The following ADAMTS1 variants were observed in gnomAD, a reference collection of about 807,000 sequenced individuals.
The protein encoded by ADAMTS1 is ADAM metallopeptidase with thrombospondin type 1 motif 1.
ADAMTS1 carries 19 observed loss-of-function variants against 87.9 expected under a neutral mutation model. The ratio of observed to expected loss-of-function variants is 0.22; its 90% CI spans 0.15 to 0.32. The LOEUF (loss-of-function observed/expected upper bound fraction) is 0.32. Ranked by LOEUF, ADAMTS1 falls within the 10% of genes least tolerant of loss-of-function variation. The probability of loss-of-function intolerance (pLI) is 1.00; values close to 1 mark genes in which losing one functional copy is unlikely to be tolerated. For synonymous variants in ADAMTS1, 542 were observed against 501.8 expected (o/e 1.08, Z -1.07); for missense variants, 1,240 against 1,259.1 (o/e 0.98, Z 0.23).
At position 26,840,385 on chromosome 21, in the gene ADAMTS1, A is replaced by G; in HGVS notation, c.1556T>C (p.Leu519Pro). ...LWCTGTSGGVLVCQTKHFPWA... is the reference protein window; with the variant it reads ...LWCTGTSGGVPVCQTKHFPWA... ...CGGGAAGTGTTTGGTTTGACACACC[A>G]GCACCCCACCAGAGGTGCCGGTACA... is the stretch of plus-strand genomic sequence containing the variant. Residue 519 changes from leucine (L) to proline (P), a missense_variant, in exon 5 of 9, where the codon CTG (leucine) becomes CCG (proline). Around this residue, in one of 3 missense-constraint regions of ADAMTS1, gnomAD observed 317 missense variants for 410.3 expected, o/e 0.77. Coordinates refer to ENST00000284984, the MANE Select transcript of ADAMTS1 (RefSeq NM_006988.5). 1 of 1,614,224 alleles carries G rather than the reference A, an allele frequency of 6.2e-7. No homozygotes were observed. The highest frequency in any genetic ancestry group is 1.1e-5 in the South Asian group (1 of 91,086).
chr21:26,839,021 C>T (rs562799501), intron 7 of ADAMTS1: 18 of 167,184 alleles, frequency 1.1e-4, no homozygotes, highest in Non-Finnish European at 2.2e-4. Flanking sequence ...TAATGACACA[C>T]GATCATCTCA....
intron 7 of ADAMTS1, chr21:26,839,332 A>C (rs745715590): frequency 2.4e-5 from 8 of 339,750 alleles, no homozygotes; most frequent in Non-Finnish European, 3.7e-5. Context: ...CTGTCCAAAA[A>C]GCTTTTCTTT....
rs1285282899 is a variant in ADAMTS1 at position 26,844,551 on chromosome 21, G to A, written c.404C>T (p.Ser135Leu). ...CTCGCAGAGGCTGAGGGCGGCAGCC[G>A]AGCTGGGATCGCCATTCACGGTGCC... ...YSGTVNGDPS[S>L]AAALSLCEGV... The change falls in exon 1 of 9, where the codon TCG (serine) becomes TTG (leucine). Residue 135 changes from serine (S) to leucine (L), a missense_variant. This residue lies in a region of ADAMTS1 where 521 missense variants were observed against 449.7 expected (regional missense o/e 1.16). Coordinates refer to ENST00000284984, the MANE Select transcript of ADAMTS1 (RefSeq NM_006988.5). 1.2e-6 allele frequency: 2 copies of A among 1,609,110 alleles called. No individual in the cohort carries two copies. Among genetic ancestry groups the A allele is most frequent in the African/African-American group, 1.3e-5 (1 of 74,882 alleles).
rs757254787 is a variant in ADAMTS1 at position 26,845,069 on chromosome 21, A to G, written c.-115T>C. ...TGGATTGTTAAAATTAACAATTTCT[A>G]TTATTCGTTGGAAGGGCGCGCAGAG... On this transcript the variant is annotated 5_prime_UTR_variant, in exon 1 of 9. Coordinates refer to ENST00000284984, the MANE Select transcript of ADAMTS1 (RefSeq NM_006988.5). 138 of 1,284,768 alleles carry G rather than the reference A, an allele frequency of 1.1e-4. No individual in the cohort carries two copies. The Middle Eastern group carries it at 2.0e-3, about 19-fold the overall frequency. The allele number at this position is 1,284,768 out of a possible 1,614,324, so 79.6% of individuals were successfully genotyped here.
intron 8 of ADAMTS1, 69 bp from the exon 9 acceptor site, chr21:26,838,347 CATT>C: frequency 1.3e-6 from 2 of 1,574,322 alleles, no homozygotes; most frequent in Non-Finnish European, 1.7e-6. Flanking sequence ...CTTAAAAACA[CATT>C]AATCTTTTAT....
chr21:26,841,767 A>G, intron 3 of ADAMTS1, 91 bp downstream of exon 3: 1 of 1,416,108 alleles, frequency 7.1e-7, no homozygotes, highest in Non-Finnish European at 9.5e-7. Context: ...GACCTAAAAT[A>G]GCAATATAAC....
chr21:26,844,115 G>C, intron 1 of ADAMTS1, 110 bp downstream of exon 1: 1 of 1,370,792 alleles, frequency 7.3e-7, no homozygotes, highest in Non-Finnish European at 9.7e-7. Context: ...CGTTCTGTCC[G>C]CGGACTTATG....
In ADAMTS1 at chr21:26,844,250, T is replaced by C; in HGVS notation, c.705A>G (p.Ala235=). ...EGAQWSPQDP[A]LQGVGQPTGT... is the part of the protein sequence containing the mutation. ...CTGTGGGCTGTCCTACGCCTTGCAG[T>C]GCCGGGTCCTGCGGCGACCACTGAG... The change falls in exon 1 of 9, where the codon GCA becomes GCG. Residue 235 remains alanine (A), a synonymous_variant. Transcript: ENST00000284984. 6.3e-7 allele frequency: 1 copy of C among 1,575,042 alleles called. No individual in the cohort carries two copies. The highest frequency in any genetic ancestry group is 1.9e-5 in the Admixed American group (1 of 53,706).
Position 26,845,143 on chromosome 21 carries a change from T to A in ADAMTS1, c.-189A>T. On this transcript the variant is annotated 5_prime_UTR_variant, in exon 1 of 9. Coordinates refer to ENST00000284984, the MANE Select transcript of ADAMTS1 (RefSeq NM_006988.5). ...AGTCACTAAAAGGAGGCGCTGCAGT[T>A]CTGCCGGCGCGCGGGAAGTTTTTCT... 1.3e-6 allele frequency: 1 copy of A among 744,366 alleles called. No individual in the cohort carries two copies. Among genetic ancestry groups the A allele is most frequent in the Non-Finnish European group, 1.9e-6 (1 of 538,480 alleles). The allele number at this position is 744,366 out of a possible 1,614,324, so 46.1% of individuals were successfully genotyped here.
Position 26,845,020 on chromosome 21 carries a change from G to A in ADAMTS1, c.-66C>T. 2 of 1,465,592 alleles carry A rather than the reference G, an allele frequency of 1.4e-6. No individual in the cohort carries two copies. Among genetic ancestry groups the A allele is most frequent in the South Asian group, 3.0e-5 (2 of 66,798 alleles). The allele number at this position is 1,465,592 out of a possible 1,614,324, so 90.8% of individuals were successfully genotyped here. On this transcript the variant is annotated 5_prime_UTR_variant, in exon 1 of 9. Transcript: ENST00000284984. Reference sequence around the variant, plus strand: ...GAGGGACCTTTAGTTCGGGTCGGGAGAGCAAAGCCTCGTTGGCCTGCTCTG... The same window carrying A: ...GAGGGACCTTTAGTTCGGGTCGGGAAAGCAAAGCCTCGTTGGCCTGCTCTG...
At position 26,842,497 on chromosome 21, in the gene ADAMTS1, C is replaced by T; in HGVS notation, c.919G>A (p.Val307Met). The T allele has an allele frequency of 6.2e-7, 1 of 1,614,168 alleles. No homozygotes were observed. Among genetic ancestry groups the T allele is most frequent in the Non-Finnish European group, 8.5e-7 (1 of 1,180,040 alleles). The change falls in exon 2 of 9, where the codon GTG (valine) becomes ATG (methionine). Residue 307 changes from valine to methionine, a missense_variant. Val to Met is a conservative substitution (Grantham distance 21). Around this residue, in one of 3 missense-constraint regions of ADAMTS1, gnomAD observed 521 missense variants for 449.7 expected, o/e 1.16. Transcript: ENST00000284984. ...SIRNSVSLVV[V>M]KILVIHDEQK... Reference sequence around the variant, plus strand: ...TCATCGTGGATGACCAAGATCTTCACCACCACCAGGCTAACTGAATTACGA... The same window carrying T: ...TCATCGTGGATGACCAAGATCTTCATCACCACCAGGCTAACTGAATTACGA...
Position 26,838,009 on chromosome 21 carries a change from A to G in ADAMTS1, c.2474T>C (p.Val825Ala), listed in dbSNP as rs1985408153. ...SPLKEPLTIQ[V>A]LTVGNALRPK... ...TCGAAGGGCATTGCCCACAGTAAGA[A>G]CCTGGATGGTCAAGGGCTCTTTGAG... Residue 825 changes from valine to alanine, a missense_variant, in exon 9 of 9, where the codon GTT becomes GCT. Transcript: ENST00000284984. 6.2e-7 allele frequency: 1 copy of G among 1,614,064 alleles called. No individual in the cohort carries two copies. Among genetic ancestry groups the G allele is most frequent in the African/African-American group, 1.3e-5 (1 of 74,922 alleles).
chr21:26,838,626 A>G lies in ADAMTS1; in HGVS notation c.2029-12T>C, dbSNP rs1455571697. 6.2e-7 allele frequency: 1 copy of G among 1,612,202 alleles called. No homozygotes were observed. The stretch of plus-strand genomic sequence containing the variant: ...GTACCATCTACAACCTGAAAAAAGG[A>G]CACATGTCTAGTGTTACATACAAGC... On this transcript the variant is annotated splice_polypyrimidine_tract_variant and intron_variant, in intron 7 of 8. Transcript: ENST00000284984.
Position 26,845,225 on chromosome 21 carries a change from G to T in ADAMTS1, c.-271C>A. On this transcript the variant is annotated 5_prime_UTR_variant, in exon 1 of 9. Coordinates refer to ENST00000284984, the MANE Select transcript of ADAMTS1 (RefSeq NM_006988.5). ...GGCGCAGGCAGAGTGGCTCTGCTGG[G>T]ACAAGAAGCGCTCTGGGGCGCCTCC... 2.6e-6 allele frequency: 1 copy of T among 378,440 alleles called. No homozygotes were observed. The highest frequency in any genetic ancestry group is 4.6e-6 in the Non-Finnish European group (1 of 216,056). 23.4% of individuals were successfully genotyped at this position (378,440 alleles called of 1,614,324 possible). A position where few individuals can be genotyped will look rare whatever the true frequency, so the allele number is the denominator to read the frequency against.
Position 26,844,916 on chromosome 21 carries a change from C to G in ADAMTS1, c.39G>C (p.Lys13Asn). The part of the protein sequence containing the change: ...RAVPEGFGRR[K>N]LGSDMGNAER... ...CCGCGTTCCCCATGTCGCTGCCCAG[C>G]TTGCGCCTTCCGAACCCCTCGGGCA... Residue 13 changes from lysine (K) to asparagine (N), a missense_variant, in exon 1 of 9, where the codon AAG (lysine) becomes AAC (asparagine). Physicochemically the swap from Lys to Asn is moderately conservative, Grantham distance 94. Around this residue, in one of 3 missense-constraint regions of ADAMTS1, gnomAD observed 521 missense variants for 449.7 expected, o/e 1.16. Transcript: ENST00000284984. 6.6e-7 allele frequency: 1 copy of G among 1,517,912 alleles called. No individual in the cohort carries two copies. Among genetic ancestry groups the G allele is most frequent in the Non-Finnish European group, 8.8e-7 (1 of 1,134,386 alleles). 94.0% of individuals were successfully genotyped at this position (1,517,912 alleles called of 1,614,324 possible).
In ADAMTS1 at chr21:26,844,793, G is replaced by T; in HGVS notation, c.162C>A (p.Ser54=). Residue 54 remains serine, a synonymous_variant, in exon 1 of 9, where the codon TCC becomes TCA. Coordinates refer to ENST00000284984, the MANE Select transcript of ADAMTS1 (RefSeq NM_006988.5). ...GCACCACTAGCTCCTCGTCCTCCTC[G>T]GAGGGGCGCCCGAGTGCGTCCGACA... The part of the protein sequence containing the change: ...LAVSDALGRP[S]EEDEELVVPE... 5 of 1,546,092 alleles carry T rather than the reference G, an allele frequency of 3.2e-6. No homozygotes were observed. Among genetic ancestry groups the T allele is most frequent in the South Asian group, 2.4e-5 (2 of 84,828 alleles).
rs1318305260 is a variant in ADAMTS1, at chr21:26,836,567, A to G, written c.*1012T>C. 4 of 152,790 alleles carry G rather than the reference A, an allele frequency of 2.6e-5. No individual in the cohort carries two copies. In the East Asian group the frequency reaches 5.8e-4, roughly 22 times the overall value. 9.5% of individuals were successfully genotyped at this position (152,790 alleles called of 1,614,324 possible). On this transcript the variant is annotated 3_prime_UTR_variant, in exon 9 of 9. Transcript: ENST00000284984. ...CAGAAGAGCTGAACAGACATTCACC[A>G]GGATACGACTGTTGGACCAGCTGCT...
At position 26,839,829 on chromosome 21, in the gene ADAMTS1, C is replaced by T. The variant is rs1341497631; in HGVS notation, c.1852+46G>A. The T allele has an allele frequency of 3.7e-6, 6 of 1,605,048 alleles. No homozygotes were observed. In the African/African-American group the frequency reaches 6.7e-5, roughly 18 times the overall value. ...TTGAGCCACCTGTTTGTGGGTACAT[C>T]TTTTTTTAATCCAGTTTCTTAAAAC... is the stretch of plus-strand genomic sequence containing the variant. On this transcript the variant is annotated intron_variant, in intron 6 of 8. Transcript: ENST00000284984.
In ADAMTS1 at chr21:26,845,088, C is replaced by T. The variant is rs947592171; in HGVS notation, c.-134G>A. ...ATTTCTATTATTCGTTGGAAGGGCG[C>T]GCAGAGCCGGCTACAGCCGAAGCTC... On this transcript the variant is annotated 5_prime_UTR_variant, in exon 1 of 9. Coordinates refer to ENST00000284984, the MANE Select transcript of ADAMTS1 (RefSeq NM_006988.5). 8.3e-7 allele frequency: 1 copy of T among 1,210,296 alleles called. No homozygotes were observed. The highest frequency in any genetic ancestry group is 1.1e-6 in the Non-Finnish European group (1 of 948,436). 75.0% of individuals were successfully genotyped at this position (1,210,296 alleles called of 1,614,324 possible).
Sources: allele counts gnomAD v4.1 joint callset, GRCh38; gene constraint gnomAD v4.1.1; regional missense constraint gnomAD v4.1.1; transcripts MANE v1.5; gene names NCBI Gene and HGNC (gene_info 2026-07-23, HGNC 2026-07-21).